Variants in EPN2 observed in about 807,000 individuals in gnomAD.
EPN2 encodes epsin 2.
Under a neutral mutation model 61.7 loss-of-function variants are expected in EPN2, and 34 were observed. The ratio of observed to expected loss-of-function variants is 0.55; its 90% CI spans 0.42 to 0.73. EPN2 has a LOEUF of 0.73. EPN2 is among the 30% of genes least tolerant of loss of function. The pLI is 0.00. For missense variants in EPN2, 714 were observed against 839.2 expected (o/e 0.85, Z 1.84); for synonymous variants, 349 against 353.6 (o/e 0.99, Z 0.15).
At chr17:19,243,283 G>A (rs1207661943) in intron 1 of EPN2, among the ~76,000 whole-genome samples, 2 of 148,048 alleles carry the variant, frequency 1.4e-5, no homozygotes, top group East Asian at 2.0e-4. Context: ...GCGGTGGCGC[G>A]ATCTTGGTTC....
Position 19,329,158 on chromosome 17 carries a change from G to A in EPN2, c.1324+271G>A, listed in dbSNP as rs1598026510. ...GAGAGAAGACTGCCCTGGGCCCACA[G>A]CCTGTGGGTCCTGTCCTCACCCCTG... On this transcript the variant is annotated intron_variant, in intron 8 of 10. Transcript: ENST00000314728. 1.3e-5 allele frequency: 6 copies of A among 471,990 alleles called. No homozygotes were observed. The East Asian group carries it at 2.1e-4, about 17-fold the overall frequency. The allele number at this position is 471,990 out of a possible 1,614,324, so 29.2% of individuals were successfully genotyped here. A position where few individuals can be genotyped will look rare whatever the true frequency, so the allele number is the denominator to read the frequency against.
chr17:19,260,500 G>A (rs1039910599), intron 1 of EPN2, among the ~76,000 whole-genome samples: 4 of 152,130 alleles, frequency 2.6e-5, no homozygotes, highest in African/African-American at 9.7e-5. Flanking sequence ...GGTTGGTGGC[G>A]GAAGGACACA....
chr17:19,320,912 C>T (rs1020361611), intron 7 of EPN2, among the ~76,000 whole-genome samples: 1 of 152,192 alleles, frequency 6.6e-6, no homozygotes, highest in Non-Finnish European at 1.5e-5. Context: ...TGTGACCTCT[C>T]TTCAATCCCT....
intron 4 of EPN2, chr17:19,297,066 A>G (rs938111552): frequency 2.6e-5 from 4 of 152,258 alleles, no homozygotes; most frequent in Non-Finnish European, 5.9e-5. Context: ...AGTTGTACAT[A>G]GTATTCCTCT....
intron 1 of EPN2, among the ~76,000 whole-genome samples, chr17:19,281,712 C>A (rs2045360318): frequency 6.6e-6 from 1 of 152,106 alleles, no homozygotes; most frequent in African/African-American, 2.4e-5. Context: ...GAAAAATAAT[C>A]CTTCCTCTGA....
chr17:19,332,661 GC>G (rs546254740), intron 10 of EPN2, among the ~76,000 whole-genome samples: 185 of 152,206 alleles, frequency 1.2e-3, no homozygotes, highest in African/African-American at 4.4e-3. Context: ...GCCCCTTGGC[GC>G]CCCTCAGCCT....
At chr17:19,293,477 G>A (rs2045484903) in intron 4 of EPN2, among the ~76,000 whole-genome samples, 1 of 148,670 alleles carries the variant, frequency 6.7e-6, no homozygotes, top group South Asian at 2.1e-4. Context: ...CTCAAGTGAT[G>A]CTCTCACCTT....
Position 19,334,315 on chromosome 17 carries a change from G to C in EPN2, c.*61G>C. Reference sequence around the variant, plus strand: ...TGGAGGATGCCGAGCAGGGACTCTCGTCTGTGGGACGGGATCCAAGAGTTT... The same window carrying C: ...TGGAGGATGCCGAGCAGGGACTCTCCTCTGTGGGACGGGATCCAAGAGTTT... On this transcript the variant is annotated 3_prime_UTR_variant, in exon 11 of 11. Coordinates refer to ENST00000314728, the MANE Select transcript of EPN2 (RefSeq NM_014964.5). The surrounding 1 kb of genome is among the most constrained non-coding windows in gnomAD (Gnocchi z 4.9). 7.6e-7 allele frequency: 1 copy of C among 1,324,454 alleles called. No individual in the cohort carries two copies. The highest frequency in any genetic ancestry group is 9.9e-7 in the Non-Finnish European group (1 of 1,015,018). The allele number at this position is 1,324,454 out of a possible 1,614,324, so 82.0% of individuals were successfully genotyped here.
chr17:19,335,808 C>T lies in EPN2; in HGVS notation c.*1554C>T. On this transcript the variant is annotated 3_prime_UTR_variant, in exon 11 of 11. Coordinates refer to ENST00000314728, the MANE Select transcript of EPN2 (RefSeq NM_014964.5). ...CCCTCTTCCAAACTCCTACTGTCCT[C>T]ACCTCACCCACCACTGTAAAAGTAT... 1 of 204,116 alleles carries T rather than the reference C, an allele frequency of 4.9e-6. No individual in the cohort carries two copies. Among genetic ancestry groups the T allele is most frequent in the Non-Finnish European group, 9.8e-6 (1 of 102,098 alleles). The allele number at this position is 204,116 out of a possible 1,614,324, so 12.6% of individuals were successfully genotyped here.
intron 4 of EPN2, among the ~76,000 whole-genome samples, chr17:19,300,774 G>A (rs1255281322): frequency 1.3e-5 from 2 of 152,174 alleles, no homozygotes; most frequent in East Asian, 3.8e-4. Context: ...TTAATCAGAA[G>A]CCAGCATGGT....
chr17:19,273,765 T>C (rs566519067), intron 1 of EPN2, among the ~76,000 whole-genome samples: 7 of 152,336 alleles, frequency 4.6e-5, no homozygotes, highest in Admixed American at 2.6e-4. Flanking sequence ...CTCACTGTTT[T>C]TCTGGTATGA....
At chr17:19,314,583 T>C (rs958716272) in intron 7 of EPN2, among the ~76,000 whole-genome samples, 3 of 152,212 alleles carry the variant, frequency 2.0e-5, no homozygotes, top group Non-Finnish European at 2.9e-5. Flanking sequence ...CAGCCCCCGA[T>C]GCCCTTTAGC....
chr17:19,262,912 G>T (rs1014568997), intron 1 of EPN2, among the ~76,000 whole-genome samples: 19 of 152,206 alleles, frequency 1.2e-4, no homozygotes, highest in African/African-American at 3.9e-4. Context: ...GGTAGAATGG[G>T]CCAGAACTTC....
At chr17:19,260,642 G>C (rs1005375562) in intron 1 of EPN2, among the ~76,000 whole-genome samples, 2 of 148,998 alleles carry the variant, frequency 1.3e-5, no homozygotes, top group Admixed American at 1.3e-4. Context: ...TTTTTTTAAT[G>C]AAATGCTCTT....
In EPN2 at chr17:19,285,297, A is replaced by G. The variant is rs1481331073; in HGVS notation, c.596-323A>G. Among the ~76,000 whole-genome samples, 1 of 152,252 alleles carries G rather than the reference A, an allele frequency of 6.6e-6. No individual in the cohort carries two copies. The highest frequency in any genetic ancestry group is 1.5e-5 in the Non-Finnish European group (1 of 68,040). ...ACAATTTGTGGAACTTTGCAGATGC[A>G]GGGGTTGGAACAGTGGGGATGCAGG... is the stretch of plus-strand genomic sequence containing the variant. On this transcript the variant is annotated intron_variant, in intron 3 of 10. Transcript: ENST00000314728. The surrounding 1 kb of genome is among the most constrained non-coding windows in gnomAD (Gnocchi z 4.5).
At chr17:19,290,076 C>T (rs182042501) in intron 4 of EPN2, among the ~76,000 whole-genome samples, 4 of 152,252 alleles carry the variant, frequency 2.6e-5, no homozygotes, top group Admixed American at 6.5e-5. Flanking sequence ...CAGCTGCCCT[C>T]CCAAGGCTGG....
rs183837511 is a variant in EPN2, at chr17:19,289,192, C to T, written c.766+3402C>T. ...CTCTGCCTCCCGGGTTCACGCCATT[C>T]TCCTGCCTCAGCCTCCCAAGTAGCT... On this transcript the variant is annotated intron_variant, in intron 4 of 10. Coordinates refer to ENST00000314728, the MANE Select transcript of EPN2 (RefSeq NM_014964.5). Among the ~76,000 whole-genome samples the T allele has an allele frequency of 6.6e-3, 958 of 144,616 alleles. 53 individuals are homozygous for T. In the East Asian group the frequency reaches 0.13, roughly 19 times the overall value. 94.9% of individuals were successfully genotyped at this position (144,616 alleles called of 152,430 possible). A position where few individuals can be genotyped will look rare whatever the true frequency, so the allele number is the denominator to read the frequency against.
intron 1 of EPN2, among the ~76,000 whole-genome samples, chr17:19,267,437 G>A (rs1341867170): frequency 1.3e-5 from 2 of 151,870 alleles, no homozygotes; most frequent in Non-Finnish European, 2.9e-5. Context: ...CCCCCCATAT[G>A]CCATAGCAGT....
At chr17:19,260,442 G>T (rs1278927619) in intron 1 of EPN2, among the ~76,000 whole-genome samples, 2 of 152,130 alleles carry the variant, frequency 1.3e-5, no homozygotes, top group Non-Finnish European at 2.9e-5. Context: ...GACGGTGCAG[G>T]GTCCCTGCCC....
Sources: allele counts gnomAD v4.1 joint callset (sites outside exome capture counted in the v4.1 genomes callset), GRCh38; gene constraint gnomAD v4.1.1; non-coding constraint Gnocchi (gnomAD v3.1); transcripts MANE v1.5; gene names NCBI Gene and HGNC (gene_info 2026-07-23, HGNC 2026-07-21).